SPOCK3: variants seen among roughly 807,000 people sequenced by gnomAD.
SPOCK3 encodes SPARC (osteonectin), cwcv and kazal like domains proteoglycan 3.
SPOCK3 carries 30 observed loss-of-function variants against 56.6 expected under a neutral mutation model. That is an observed-to-expected ratio of 0.53 (90% CI 0.40 to 0.72). The LOEUF is 0.72. Among genes scored for constraint, SPOCK3 ranks in the 30% least tolerant of loss-of-function variants. The pLI, the probability that SPOCK3 is intolerant of heterozygous loss-of-function variation, is 0.00. For synonymous variants in SPOCK3, 196 were observed against 183.3 expected (o/e 1.07, Z -0.56); for missense variants, 527 against 530.0 (o/e 0.99, Z 0.06).
In SPOCK3 at chr4:166,734,949, C is replaced by CCAT. The variant is rs760004393; in HGVS notation, c.1271_1273dup (p.Asp424dup). ...AATGTATACATCATGGTCATCACCA[C>CCAT]CATCATCATCATCCCCTTCATCTTC... On this transcript the variant is annotated inframe_insertion, in exon 11 of 11. Transcript: ENST00000357545. The CCAT allele has an allele frequency of 2.6e-6, 4 of 1,540,414 alleles. No individual in the cohort carries two copies. The highest frequency in any genetic ancestry group is 3.6e-6 in the Non-Finnish European group (4 of 1,115,494).
rs1226657472 is a variant in SPOCK3 at position 166,933,628 on chromosome 4, G to A, written c.351-20885C>T. On this transcript the variant is annotated intron_variant, in intron 4 of 10. Coordinates refer to ENST00000357545, the MANE Select transcript of SPOCK3 (RefSeq NM_001040159.2). ...CCATGTCTGCTCATCTTATAGCAAG[G>A]CACCAACTGCTCTGCTAGAAAATCT... is the stretch of plus-strand genomic sequence containing the variant. Among the ~76,000 whole-genome samples the A allele has an allele frequency of 2.0e-5, 3 of 152,102 alleles. No individual in the cohort carries two copies. The East Asian group carries it at 5.8e-4, about 29-fold the overall frequency.
chr4:166,800,208 G>GAAAAAAAAAAAAA (rs1207796263), intron 6 of SPOCK3, among the ~76,000 whole-genome samples: 138 of 112,788 alleles, frequency 1.2e-3, no homozygotes, highest in Middle Eastern at 0.01. Context: ...AAAAAAAAAT[G>GAAAAAAAAAAAAA]AAAACATGGA....
chr4:167,033,008 T>A (rs2150184231), intron 3 of SPOCK3, among the ~76,000 whole-genome samples: 1 of 152,114 alleles, frequency 6.6e-6, no homozygotes, highest in African/African-American at 2.4e-5. Flanking sequence ...TCTTAATTGT[T>A]CATGCTTAGC....
chr4:167,119,933 A>C, intron 2 of SPOCK3: 1 of 1,171,468 alleles, frequency 8.5e-7, no homozygotes, highest in Non-Finnish European at 1.2e-6. Flanking sequence ...AGAAAAGAAT[A>C]AACCCCTTTC....
At chr4:166,819,715 T>C (rs1744726393) in intron 6 of SPOCK3, among the ~76,000 whole-genome samples, 2 of 151,764 alleles carry the variant, frequency 1.3e-5, no homozygotes, top group South Asian at 4.2e-4. Flanking sequence ...ATTAAATAAA[T>C]TGAGAGATAC....
At chr4:166,831,270 A>G (rs569809486) in intron 6 of SPOCK3, among the ~76,000 whole-genome samples, 2 of 152,194 alleles carry the variant, frequency 1.3e-5, no homozygotes, top group Non-Finnish European at 2.9e-5. Context: ...TTGTGTCAAC[A>G]CAAAGAGTTA....
chr4:166,792,828 T>TA (rs1741491910), intron 6 of SPOCK3, among the ~76,000 whole-genome samples: 1 of 151,972 alleles, frequency 6.6e-6, no homozygotes, highest in African/African-American at 2.4e-5. Flanking sequence ...AACTTGTGAT[T>TA]AGGAAAAAAC....
intron 2 of SPOCK3, among the ~76,000 whole-genome samples, chr4:167,092,649 A>C (rs1758803154): frequency 6.6e-6 from 1 of 152,296 alleles, no homozygotes; most frequent in African/African-American, 2.4e-5. Flanking sequence ...TGTCTTGATC[A>C]GTAATTTGTA....
At chr4:167,068,325 T>C (rs1262357613) in intron 2 of SPOCK3, among the ~76,000 whole-genome samples, 1 of 151,638 alleles carries the variant, frequency 6.6e-6, no homozygotes, top group African/African-American at 2.4e-5. Context: ...CCAATTTTAT[T>C]TTCTGAAAAT....
intron 7 of SPOCK3, among the ~76,000 whole-genome samples, chr4:166,769,022 T>C (rs893475251): frequency 1.1e-4 from 17 of 152,250 alleles, no homozygotes; most frequent in African/African-American, 3.9e-4. Context: ...TCTCTTGCCA[T>C]GGTTTTCAGC....
In SPOCK3 at chr4:166,754,500, T is replaced by A. The variant is rs1385687977; in HGVS notation, c.931+8A>T. ...ACTATTTGCGTCTGTAAGGGTCTCA[T>A]CTTTTACCTTGCTGTCTCTGGAAGC... On this transcript the variant is annotated splice_region_variant and intron_variant, in intron 8 of 10. Coordinates refer to ENST00000357545, the MANE Select transcript of SPOCK3 (RefSeq NM_001040159.2). The A allele has an allele frequency of 6.2e-7, 1 of 1,611,272 alleles. No individual in the cohort carries two copies. Among genetic ancestry groups the A allele is most frequent in the African/African-American group, 1.3e-5 (1 of 74,874 alleles).
rs551286688 is a variant in SPOCK3 at position 167,189,176 on chromosome 4, T to TA, written c.189+44808dup. On this transcript the variant is annotated intron_variant, in intron 2 of 10. Transcript: ENST00000357545. ...ATGAGTCTAGACAAAGGGCAAAAAA[T>TA]AAAAAACCTTTACAAATGTTAGCAA... is the stretch of plus-strand genomic sequence containing the variant. 3.4e-4 allele frequency among the ~76,000 whole-genome samples: 49 copies of TA among 145,438 alleles called. 5 individuals carry two copies. The highest frequency in any genetic ancestry group is 1.5e-3 in the Admixed American group (21 of 14,196).
At chr4:166,942,350 A>G (rs549226689) in intron 4 of SPOCK3, among the ~76,000 whole-genome samples, 4 of 152,004 alleles carry the variant, frequency 2.6e-5, no homozygotes, top group Non-Finnish European at 5.9e-5. Context: ...AGCTGGGACT[A>G]CAGGAGCGCA....
chr4:166,821,080 A>C (rs1211510032), intron 6 of SPOCK3, among the ~76,000 whole-genome samples: 1 of 152,086 alleles, frequency 6.6e-6, no homozygotes, highest in Non-Finnish European at 1.5e-5. Context: ...AGAAAACATA[A>C]AGAAATATTA....
chr4:166,963,769 G>T (rs183773610), intron 4 of SPOCK3, among the ~76,000 whole-genome samples: 14 of 151,918 alleles, frequency 9.2e-5, no homozygotes, highest in Non-Finnish European at 5.9e-5. Context: ...TATGAATACA[G>T]TGTTGGCATG....
intron 7 of SPOCK3, among the ~76,000 whole-genome samples, chr4:166,762,416 A>T (rs1737364472): frequency 6.6e-6 from 1 of 152,138 alleles, no homozygotes; most frequent in Non-Finnish European, 1.5e-5. Context: ...GGGTCTGCAT[A>T]GAGAAACGGC....
chr4:166,952,648 A>G (rs964015970), intron 4 of SPOCK3, among the ~76,000 whole-genome samples: 21 of 152,200 alleles, frequency 1.4e-4, no homozygotes, highest in African/African-American at 5.1e-4. Context: ...TCAAAAGAAC[A>G]AAGCTGGAGG....
intron 7 of SPOCK3, among the ~76,000 whole-genome samples, chr4:166,783,969 T>G (rs543497883): frequency 1.3e-5 from 2 of 152,266 alleles, no homozygotes; most frequent in South Asian, 4.1e-4. Context: ...CATTGTTTTT[T>G]TTTGGGGGGA....
chr4:166,752,706 A>AT (rs1331814617), intron 8 of SPOCK3, among the ~76,000 whole-genome samples: 5 of 152,058 alleles, frequency 3.3e-5, no homozygotes, highest in East Asian at 3.9e-4. Flanking sequence ...ATTAATGGTG[A>AT]TTTTTTAATA....
Sources: gnomAD v4.1 joint callset for allele counts (sites outside exome capture counted in the v4.1 genomes callset) on GRCh38, gnomAD v4.1.1 for gene constraint, MANE v1.5 for transcripts, NCBI Gene and HGNC (gene_info 2026-07-23, HGNC 2026-07-21) for gene names.